Variants in GAN observed in about 807,000 individuals in gnomAD.
GAN encodes the protein gigaxonin, also known as epididymis secretory sperm binding protein.
A neutral mutation model predicts 71.3 loss-of-function variants in GAN; 48 were observed. The ratio of observed to expected loss-of-function variants is 0.67; its 90% CI spans 0.53 to 0.86. GAN has a LOEUF of 0.86. GAN is among the 40% of genes least tolerant of loss of function. The probability of loss-of-function intolerance (pLI) is 0.00; values close to 1 mark genes in which losing one functional copy is unlikely to be tolerated. For missense variants in GAN, 928 were observed against 770.1 expected (o/e 1.21, Z -2.43); for synonymous variants, 386 against 276.8 (o/e 1.39, Z -3.92).
intron 1 of GAN, among the ~76,000 whole-genome samples, chr16:81,316,858 G>A (rs987772973): frequency 6.6e-6 from 1 of 152,106 alleles, no homozygotes; most frequent in African/African-American, 2.4e-5. Flanking sequence ...TGAGGTCGTG[G>A]TGTTTTGTTT....
At chr16:81,363,680 C>A (rs1229112592) in intron 6 of GAN, 114 bp from the exon 7 acceptor site, 1 of 1,013,034 alleles carries the variant, frequency 9.9e-7, no homozygotes, top group African/African-American at 1.6e-5. Context: ...TAGGAGTCCC[C>A]ATTGTCTATT....
At chr16:81,339,028 G>C (rs74774416) in intron 1 of GAN, among the ~76,000 whole-genome samples, 2 of 152,164 alleles carry the variant, frequency 1.3e-5, no homozygotes, top group African/African-American at 4.8e-5. Context: ...ATTTATGTCT[G>C]TTGAATTTAT....
chr16:81,359,856 G>C (rs1196928394), intron 5 of GAN, among the ~76,000 whole-genome samples: 2 of 152,174 alleles, frequency 1.3e-5, no homozygotes, highest in Admixed American at 1.3e-4. Context: ...ACAATATACT[G>C]TAATAGTTAT....
chr16:81,357,109 G>GT, intron 4 of GAN, 107 bp downstream of exon 4: 1 of 816,640 alleles, frequency 1.2e-6, no homozygotes, highest in East Asian at 2.5e-5. Flanking sequence ...AATTACATTT[G>GT]ATTTTTTTTT....
At chr16:81,319,223 T>TATATATATATAC (rs1386404348) in intron 1 of GAN, among the ~76,000 whole-genome samples, 1 of 148,552 alleles carries the variant, frequency 6.7e-6, no homozygotes, top group Admixed American at 6.7e-5. Flanking sequence ...TATATATATA[T>TATATATATATAC]ATCTAACAAC....
At chr16:81,317,719 A>T (rs949952273) in intron 1 of GAN, among the ~76,000 whole-genome samples, 2 of 152,248 alleles carry the variant, frequency 1.3e-5, no homozygotes, top group Non-Finnish European at 2.9e-5. Context: ...ACCACGTTAG[A>T]GCATTACTTG....
In GAN at chr16:81,377,200, G is replaced by C. The variant is rs777778823; in HGVS notation, c.1503-19G>C. 8 of 1,388,092 alleles carry C rather than the reference G, an allele frequency of 5.8e-6. No homozygotes were observed. The South Asian group carries it at 5.8e-5, about 10-fold the overall frequency. 86.0% of individuals were successfully genotyped at this position (1,388,092 alleles called of 1,614,324 possible). A position where few individuals can be genotyped will look rare whatever the true frequency, so the allele number is the denominator to read the frequency against. On this transcript the variant is annotated intron_variant, in intron 9 of 10. Transcript: ENST00000648994. ...ATCCTTTTGATTTCCTTAATTTTGT[G>C]CATGGGCTTTGTTTTCAGGTGGATC... is the stretch of plus-strand genomic sequence containing the variant.
At chr16:81,345,754 A>T (rs1910097810) in intron 1 of GAN, among the ~76,000 whole-genome samples, 1 of 152,196 alleles carries the variant, frequency 6.6e-6, no homozygotes, top group African/African-American at 2.4e-5. Flanking sequence ...TAATAATTTT[A>T]AAAGAGGGCT....
rs1904307026 is a variant in GAN at position 81,381,889 on chromosome 16, G to A, written c.*4293G>A. On this transcript the variant is annotated 3_prime_UTR_variant, in exon 11 of 11. Coordinates refer to ENST00000648994, the MANE Select transcript of GAN (RefSeq NM_022041.4). ...CCTATACGGAGCTGAAACTAGCATG[G>A]GCCGGCCTCCTATATGGAGCTGAAA... is the stretch of plus-strand genomic sequence containing the variant. 1 of 152,116 alleles carries A rather than the reference G, an allele frequency of 6.6e-6. No individual in the cohort carries two copies. The highest frequency in any genetic ancestry group is 2.1e-4 in the South Asian group (1 of 4,832). 9.4% of individuals were successfully genotyped at this position (152,116 alleles called of 1,614,324 possible).
intron 4 of GAN, 107 bp downstream of exon 4, chr16:81,357,109 G>C (rs1910515866): frequency 2.4e-6 from 2 of 816,642 alleles, no homozygotes; most frequent in Non-Finnish European, 4.2e-6. Flanking sequence ...AATTACATTT[G>C]ATTTTTTTTT....
intron 1 of GAN, among the ~76,000 whole-genome samples, chr16:81,350,430 C>T (rs528979751): frequency 2.2e-4 from 34 of 152,274 alleles, no homozygotes; most frequent in Non-Finnish European, 4.4e-4. Context: ...TAAACAGCGC[C>T]ACCTACTATG....
chr16:81,368,724 G>A (rs1321616102), intron 9 of GAN, among the ~76,000 whole-genome samples: 1 of 152,068 alleles, frequency 6.6e-6, no homozygotes, highest in Non-Finnish European at 1.5e-5. Context: ...TCCCTGCCCC[G>A]CTGCTACCCT....
chr16:81,378,007 A>G lies in GAN; in HGVS notation c.*411A>G, dbSNP rs548591763. On this transcript the variant is annotated 3_prime_UTR_variant, in exon 11 of 11. Coordinates refer to ENST00000648994, the MANE Select transcript of GAN (RefSeq NM_022041.4). Reference sequence around the variant, plus strand: ...AAACAAAATCCGTATATGCAAATCAACATATCCAAACATGCCAAGACTGCT... The same window carrying G: ...AAACAAAATCCGTATATGCAAATCAGCATATCCAAACATGCCAAGACTGCT... 2 of 263,974 alleles carry G rather than the reference A, an allele frequency of 7.6e-6. No individual in the cohort carries two copies. The highest frequency in any genetic ancestry group is 2.2e-5 in the African/African-American group (1 of 45,550). The allele number at this position is 263,974 out of a possible 1,614,324, so 16.4% of individuals were successfully genotyped here. A position where few individuals can be genotyped will look rare whatever the true frequency, so the allele number is the denominator to read the frequency against.
In GAN at chr16:81,377,255, C is replaced by T. The variant is rs774396975; in HGVS notation, c.1539C>T (p.Pro513=). ...TTAACGACCAGAATTTATGCATCCCCGCCAGTTCCTCTTTTGTTTATGGAG... is the reference window on the plus strand; with the variant it reads ...TTAACGACCAGAATTTATGCATCCCTGCCAGTTCCTCTTTTGTTTATGGAG... ...IYLNDQNLCI[P]ASSSFVYGAV... The change falls in exon 10 of 11, where the codon CCC becomes CCT. Residue 513 remains proline (P), a synonymous_variant. Coordinates refer to ENST00000648994, the MANE Select transcript of GAN (RefSeq NM_022041.4). 1.9e-5 allele frequency: 30 copies of T among 1,611,622 alleles called. No individual in the cohort carries two copies. In the East Asian group the frequency reaches 2.5e-4, roughly 13 times the overall value.
chr16:81,356,951 A>G lies in GAN; in HGVS notation c.800A>G (p.Lys267Arg), dbSNP rs777669948. The G allele has an allele frequency of 1.2e-6, 2 of 1,613,690 alleles. No homozygotes were observed. The highest frequency in any genetic ancestry group is 2.2e-5 in the East Asian group (1 of 44,884). ...GGGGAGGCGATGCTGGCCAACTTCAAACCCCGGGGCTACTCTGAGTGCATC... is the reference window on the plus strand; with the variant it reads ...GGGGAGGCGATGCTGGCCAACTTCAGACCCCGGGGCTACTCTGAGTGCATC... ...QQGEAMLANF[K>R]PRGYSECIVT... Residue 267 changes from lysine (K) to arginine (R), a missense_variant, in exon 4 of 11, where the codon AAA (lysine) becomes AGA (arginine). Lys to Arg is a conservative substitution (Grantham distance 26, BLOSUM62 2). Coordinates refer to ENST00000648994, the MANE Select transcript of GAN (RefSeq NM_022041.4).
At chr16:81,331,235 C>T (rs538558153) in intron 1 of GAN, among the ~76,000 whole-genome samples, 7 of 152,048 alleles carry the variant, frequency 4.6e-5, no homozygotes, top group Middle Eastern at 3.2e-3. Flanking sequence ...AGTTGAGGAA[C>T]GAGATGCGAA....
chr16:81,324,431 G>C (rs1035177771), intron 1 of GAN, among the ~76,000 whole-genome samples: 1 of 152,064 alleles, frequency 6.6e-6, no homozygotes, highest in Non-Finnish European at 1.5e-5. Context: ...TGAGGGAGGA[G>C]GAGACCTAGG....
At chr16:81,374,799 C>A (rs536091208) in intron 9 of GAN, among the ~76,000 whole-genome samples, 1 of 152,190 alleles carries the variant, frequency 6.6e-6, no homozygotes, top group Non-Finnish European at 1.5e-5. Flanking sequence ...AGCACTTCTT[C>A]ATAGAGCCTC....
chr16:81,352,135 A>C (rs1169269114), intron 2 of GAN, among the ~76,000 whole-genome samples: 1 of 152,184 alleles, frequency 6.6e-6, no homozygotes, highest in Non-Finnish European at 1.5e-5. Flanking sequence ...GTAGAAATAG[A>C]GAGTTCCTTG....
Sources: allele counts gnomAD v4.1 joint callset (sites outside exome capture counted in the v4.1 genomes callset), GRCh38; gene constraint gnomAD v4.1.1; transcripts MANE v1.5; gene names NCBI Gene and HGNC (gene_info 2026-07-23, HGNC 2026-07-21).